MMP16: variants seen among roughly 807,000 people sequenced by gnomAD.
The protein encoded by MMP16 is matrix metallopeptidase 16.
In MMP16, 12 loss-of-function variants were observed where a neutral mutation model predicts 67.8. That is an observed-to-expected ratio of 0.18 (90% CI 0.11 to 0.29). The LOEUF is 0.29. Among genes scored for constraint, MMP16 ranks in the 10% least tolerant of loss-of-function variants. The probability of loss-of-function intolerance (pLI) is 1.00; values close to 1 mark genes in which losing one functional copy is unlikely to be tolerated. For missense variants in MMP16, 475 were observed against 765.7 expected (o/e 0.62, Z 4.48); for synonymous variants, 249 against 255.9 (o/e 0.97, Z 0.26).
At chr8:88,311,288 T>C (rs1417765209) in intron 1 of MMP16, among the ~76,000 whole-genome samples, 6 of 152,138 alleles carry the variant, frequency 3.9e-5, no homozygotes, top group Non-Finnish European at 7.4e-5. Flanking sequence ...GCATACCTGC[T>C]AGAGCCGAGA....
intron 1 of MMP16, among the ~76,000 whole-genome samples, chr8:88,291,234 T>C (rs1362936529): frequency 1.3e-5 from 2 of 151,974 alleles, no homozygotes; most frequent in South Asian, 2.1e-4. Context: ...TGAGCCATGA[T>C]TGCATCACTA....
At chr8:88,156,700 G>C (rs563991409) in intron 4 of MMP16, among the ~76,000 whole-genome samples, 81 of 151,728 alleles carry the variant, frequency 5.3e-4, no homozygotes, top group African/African-American at 1.8e-3. Flanking sequence ...CAGACCAATT[G>C]GATTTTTTTT....
chr8:88,157,417 G>A (rs544963190), intron 4 of MMP16, among the ~76,000 whole-genome samples: 38 of 151,936 alleles, frequency 2.5e-4, no homozygotes, highest in Admixed American at 2.1e-3. Flanking sequence ...CTCGGTGTCT[G>A]CAGGGAGTCC....
At chr8:88,195,391 C>A (rs1308425311) in intron 2 of MMP16, among the ~76,000 whole-genome samples, 1 of 152,084 alleles carries the variant, frequency 6.6e-6, no homozygotes, top group Non-Finnish European at 1.5e-5. Flanking sequence ...TTTCCCAAGT[C>A]CTCAGTTTAT....
At chr8:88,298,381 A>G (rs973480554) in intron 1 of MMP16, among the ~76,000 whole-genome samples, 1 of 152,248 alleles carries the variant, frequency 6.6e-6, no homozygotes, top group Non-Finnish European at 1.5e-5. Context: ...GAGATGAACC[A>G]GAGAATTATA....
intron 1 of MMP16, among the ~76,000 whole-genome samples, chr8:88,284,578 G>A (rs1010992259): frequency 6.6e-6 from 1 of 151,840 alleles, no homozygotes; most frequent in African/African-American, 2.4e-5. Flanking sequence ...CTTAAAACCA[G>A]TGTGAATACC....
rs149190443 is a variant in MMP16, at chr8:88,281,601, G to A, written c.132+45474C>T. On this transcript the variant is annotated intron_variant, in intron 1 of 9. Transcript: ENST00000286614. ...TCCAGTCAGCAAGCTCTTAAGCAGG[G>A]AGTCCACAGTAGTCACTTGTTAATC... 2.2e-4 allele frequency among the ~76,000 whole-genome samples: 33 copies of A among 152,272 alleles called. 2 individuals are homozygous for A. The highest frequency in any genetic ancestry group is 3.4e-3 in the Middle Eastern group (1 of 294).
chr8:88,303,507 T>G (rs1447689516), intron 1 of MMP16, among the ~76,000 whole-genome samples: 2 of 152,218 alleles, frequency 1.3e-5, no homozygotes, highest in Non-Finnish European at 2.9e-5. Flanking sequence ...TCCTCCTGAC[T>G]GGGCGTGCCC....
chr8:88,103,964 G>A (rs571282635), intron 6 of MMP16, among the ~76,000 whole-genome samples: 54 of 151,678 alleles, frequency 3.6e-4, no homozygotes, highest in Non-Finnish European at 6.9e-4. Flanking sequence ...TTATATTATT[G>A]AAACTTGTCA....
intron 4 of MMP16, among the ~76,000 whole-genome samples, chr8:88,160,842 A>C (rs1448706224): frequency 6.6e-6 from 1 of 152,124 alleles, no homozygotes; most frequent in East Asian, 1.9e-4. Context: ...ACGTATGTTT[A>C]TTACGTTTAT....
intron 7 of MMP16, among the ~76,000 whole-genome samples, chr8:88,056,917 A>AAAAAGCAGAC (rs1331352330): frequency 6.6e-6 from 1 of 152,150 alleles, no homozygotes; most frequent in Non-Finnish European, 1.5e-5. Flanking sequence ...TGATGATACT[A>AAAAAGCAGAC]AAAAGCAGAC....
chr8:88,057,872 C>A (rs565862934), intron 7 of MMP16, among the ~76,000 whole-genome samples: 5 of 152,116 alleles, frequency 3.3e-5, no homozygotes, highest in Admixed American at 1.3e-4. Flanking sequence ...CTGATCGCTA[C>A]CCTGATCATC....
In MMP16 at chr8:88,126,513, A is replaced by G. The variant is rs114730984; in HGVS notation, c.710-7652T>C. Among the ~76,000 whole-genome samples, 447 of 152,004 alleles carry G rather than the reference A, an allele frequency of 2.9e-3. 5 individuals are homozygous for G. Among genetic ancestry groups the G allele is most frequent in the African/African-American group, 0.01 (423 of 41,528 alleles). On this transcript the variant is annotated intron_variant, in intron 4 of 9. Coordinates refer to ENST00000286614, the MANE Select transcript of MMP16 (RefSeq NM_005941.5). Reference sequence around the variant, plus strand: ...GTATAACATGATGGTTATAGTTGACAATATTGTATTTTATACTTGAAATTT... The same window carrying G: ...GTATAACATGATGGTTATAGTTGACGATATTGTATTTTATACTTGAAATTT...
chr8:88,239,294 C>CA lies in MMP16; in HGVS notation c.133-41989dup, dbSNP rs34599512. Among the ~76,000 whole-genome samples the CA allele has an allele frequency of 2.8e-3, 225 of 80,526 alleles. 10 individuals carry two copies. The highest frequency in any genetic ancestry group is 7.1e-3 in the African/African-American group (132 of 18,498). The allele number at this position is 80,526 out of a possible 152,430, so 52.8% of individuals were successfully genotyped here. A position where few individuals can be genotyped will look rare whatever the true frequency, so the allele number is the denominator to read the frequency against. The stretch of plus-strand genomic sequence containing the variant: ...TGGGAGACAGAGACAGACGCAGTCT[C>CA]AAAAAAAAAAAAAAAAAAAAGAAAA... On this transcript the variant is annotated intron_variant, in intron 1 of 9. Coordinates refer to ENST00000286614, the MANE Select transcript of MMP16 (RefSeq NM_005941.5).
At chr8:88,221,394 G>A (rs28904614) in intron 1 of MMP16, among the ~76,000 whole-genome samples, 26,429 of 151,918 alleles carry the variant, frequency 0.17, 2,443 homozygotes, top group South Asian at 0.2. Context: ...TCTTTTCAGC[G>A]TCTCCGTCTT....
intron 4 of MMP16, among the ~76,000 whole-genome samples, chr8:88,149,577 G>A (rs1001222681): frequency 1.3e-5 from 2 of 152,048 alleles, no homozygotes; most frequent in African/African-American, 4.8e-5. Context: ...AGCCTAACTG[G>A]GAGGCACCCC....
intron 1 of MMP16, among the ~76,000 whole-genome samples, chr8:88,289,230 G>T (rs1254173748): frequency 6.6e-6 from 1 of 152,122 alleles, no homozygotes; most frequent in African/African-American, 2.4e-5. Context: ...GCAAAAAACT[G>T]CAGAGTAAAA....
intron 1 of MMP16, among the ~76,000 whole-genome samples, chr8:88,321,670 A>T (rs76916761): frequency 0.027 from 4,084 of 152,280 alleles, 167 homozygotes; most frequent in African/African-American, 0.084. Context: ...TTTGTGATTC[A>T]GTAGTTACCA....
chr8:88,252,646 C>CAAAA (rs10715771), intron 1 of MMP16, among the ~76,000 whole-genome samples: 1 of 128,112 alleles, frequency 7.8e-6, no homozygotes. Context: ...CACCTCTTAG[C>CAAAA]AAAAAAAAAA....
Sources: allele counts gnomAD v4.1 joint callset (sites outside exome capture counted in the v4.1 genomes callset), GRCh38; gene constraint gnomAD v4.1.1; transcripts MANE v1.5; gene names NCBI Gene and HGNC (gene_info 2026-07-23, HGNC 2026-07-21).